Variants in SLC38A1 observed in about 807,000 individuals in gnomAD.
SLC38A1 encodes solute carrier family 38 member 1, also known as sodium-coupled neutral amino acid symporter 1.
In SLC38A1, 18 loss-of-function variants were observed where a neutral mutation model predicts 60.3. The ratio of observed to expected loss-of-function variants is 0.30; its 90% CI spans 0.21 to 0.44. SLC38A1 has a LOEUF of 0.44. Among genes scored for constraint, SLC38A1 ranks in the 20% least tolerant of loss-of-function variants. The probability of loss-of-function intolerance (pLI) is 1.00; values close to 1 mark genes in which losing one functional copy is unlikely to be tolerated. For missense variants in SLC38A1, 448 were observed against 587.2 expected (o/e 0.76, Z 2.45); for synonymous variants, 196 against 212.1 (o/e 0.92, Z 0.66).
rs1345893460 is a variant in SLC38A1, at chr12:46,186,535, A to G, written c.*2435T>C. The G allele has an allele frequency of 2.6e-5, 4 of 152,246 alleles. No homozygotes were observed. Among genetic ancestry groups the G allele is most frequent in the Non-Finnish European group, 5.9e-5 (4 of 68,048 alleles). 9.4% of individuals were successfully genotyped at this position (152,246 alleles called of 1,614,324 possible). A position where few individuals can be genotyped will look rare whatever the true frequency, so the allele number is the denominator to read the frequency against. On this transcript the variant is annotated 3_prime_UTR_variant, in exon 17 of 17. Coordinates refer to ENST00000398637, the MANE Select transcript of SLC38A1 (RefSeq NM_030674.4). ...TTCTGAATAAGAATAAGAGCAGTAT[A>G]CTTTACAGCTAATCTCACACAAAGG... is the stretch of plus-strand genomic sequence containing the variant.
rs748149942 is a variant in SLC38A1, at chr12:46,198,622, C to A, written c.1122+3G>T. On this transcript the variant is annotated splice_donor_region_variant and intron_variant, in intron 14 of 16. Coordinates refer to ENST00000398637, the MANE Select transcript of SLC38A1 (RefSeq NM_030674.4). Reference sequence around the variant, plus strand: ...CTCATATTGCACAGAGGCCCTTACTCACCGTGAAAAATAACACCGGCACTG... The same window carrying A: ...CTCATATTGCACAGAGGCCCTTACTAACCGTGAAAAATAACACCGGCACTG... 6.3e-7 allele frequency: 1 copy of A among 1,597,524 alleles called. No individual in the cohort carries two copies. Among genetic ancestry groups the A allele is most frequent in the South Asian group, 1.1e-5 (1 of 89,438 alleles).
At position 46,207,587 on chromosome 12, in the gene SLC38A1, G is replaced by C; in HGVS notation, c.423C>G (p.Val141=). 1 of 1,613,936 alleles carries C rather than the reference G, an allele frequency of 6.2e-7. No homozygotes were observed. The part of the protein sequence containing the change: ...CMVYEKLGEQ[V]FGTTGKFVIF... ...TTACGAACTTCCCTGTGGTGCCAAAGACTTGTTCCCCCAGCTTTTCATACA... is the reference window on the plus strand; with the variant it reads ...TTACGAACTTCCCTGTGGTGCCAAACACTTGTTCCCCCAGCTTTTCATACA... Residue 141 remains valine (V), a synonymous_variant, in exon 7 of 17, where the codon GTC becomes GTG. Coordinates refer to ENST00000398637, the MANE Select transcript of SLC38A1 (RefSeq NM_030674.4).
At chr12:46,229,353 A>G in intron 4 of SLC38A1, 85 bp from the exon 5 acceptor site, 1 of 932,132 alleles carries the variant, frequency 1.1e-6, no homozygotes, top group Non-Finnish European at 1.7e-6. Flanking sequence ...CACTCTCAGG[A>G]ACCAATATGG....
At chr12:46,225,906 A>T (rs1940844279) in intron 5 of SLC38A1, among the ~76,000 whole-genome samples, 2 of 152,226 alleles carry the variant, frequency 1.3e-5, no homozygotes, top group African/African-American at 4.8e-5. Context: ...GTGGCACAGA[A>T]TAAAAGGAAA....
intron 16 of SLC38A1, chr12:46,196,061 G>T: frequency 7.6e-7 from 1 of 1,308,600 alleles, no homozygotes; most frequent in Non-Finnish European, 1.1e-6. Context: ...GCAGACCAGA[G>T]CTGTTCCTAT....
At position 46,185,681 on chromosome 12, in the gene SLC38A1, A is replaced by C. The variant is rs1403519678; in HGVS notation, c.*3289T>G. 2 of 152,002 alleles carry C rather than the reference A, an allele frequency of 1.3e-5. No homozygotes were observed. The highest frequency in any genetic ancestry group is 4.8e-5 in the African/African-American group (2 of 41,344). The allele number at this position is 152,002 out of a possible 1,614,324, so 9.4% of individuals were successfully genotyped here. A position where few individuals can be genotyped will look rare whatever the true frequency, so the allele number is the denominator to read the frequency against. On this transcript the variant is annotated 3_prime_UTR_variant, in exon 17 of 17. Coordinates refer to ENST00000398637, the MANE Select transcript of SLC38A1 (RefSeq NM_030674.4). ...AGCCAAAAGTCAGACAAACAGAAGA[A>C]GGCACACCAAGCCTGAACCCTCCGG...
intron 16 of SLC38A1, among the ~76,000 whole-genome samples, chr12:46,191,672 G>A (rs1271246354): frequency 6.6e-6 from 1 of 152,084 alleles, no homozygotes; most frequent in Non-Finnish European, 1.5e-5. Flanking sequence ...CGGCTTCCTA[G>A]GTATTTTATT....
Position 46,186,270 on chromosome 12 carries a change from A to G in SLC38A1, c.*2700T>C, listed in dbSNP as rs1316929090. The G allele has an allele frequency of 6.6e-6, 1 of 152,154 alleles. No individual in the cohort carries two copies. Among genetic ancestry groups the G allele is most frequent in the African/African-American group, 2.4e-5 (1 of 41,426 alleles). The allele number at this position is 152,154 out of a possible 1,614,324, so 9.4% of individuals were successfully genotyped here. On this transcript the variant is annotated 3_prime_UTR_variant, in exon 17 of 17. Coordinates refer to ENST00000398637, the MANE Select transcript of SLC38A1 (RefSeq NM_030674.4). Reference sequence around the variant, plus strand: ...ATAAGTAACATTAAGTAAATTAGGGATTGACAGTATTCTGTGTTACAATAA... The same window carrying G: ...ATAAGTAACATTAAGTAAATTAGGGGTTGACAGTATTCTGTGTTACAATAA...
chr12:46,189,201 T>C (rs1056324353), intron 16 of SLC38A1, 130 bp from the exon 17 acceptor site: 4 of 621,256 alleles, frequency 6.4e-6, no homozygotes, highest in African/African-American at 3.7e-5. Flanking sequence ...GTCACAACCA[T>C]GGCTGAACTG....
intron 5 of SLC38A1, among the ~76,000 whole-genome samples, chr12:46,210,600 C>T (rs546348760): frequency 9.9e-5 from 15 of 152,222 alleles, no homozygotes; most frequent in Admixed American, 2.6e-4. Context: ...ATAATTTCCA[C>T]GTGTTTTGGG....
intron 3 of SLC38A1, among the ~76,000 whole-genome samples, chr12:46,235,946 T>C (rs1161565923): frequency 6.6e-6 from 1 of 152,178 alleles, no homozygotes; most frequent in Non-Finnish European, 1.5e-5. Context: ...AAATTTAAGG[T>C]GGCAATAACC....
intron 3 of SLC38A1, among the ~76,000 whole-genome samples, chr12:46,234,029 T>C (rs907305746): frequency 7.2e-5 from 11 of 152,214 alleles, no homozygotes; most frequent in Admixed American, 3.9e-4. Flanking sequence ...GAATTCACTT[T>C]CCCTTGAGGA....
chr12:46,233,440 T>A (rs1024344958), intron 3 of SLC38A1, among the ~76,000 whole-genome samples: 1 of 152,154 alleles, frequency 6.6e-6, no homozygotes, highest in South Asian at 2.1e-4. Flanking sequence ...TTTAAATTAA[T>A]AGAAAAGCAA....
intron 1 of SLC38A1, among the ~76,000 whole-genome samples, chr12:46,249,693 A>C (rs1180461540): frequency 1.3e-5 from 2 of 152,232 alleles, no homozygotes; most frequent in Non-Finnish European, 2.9e-5. Flanking sequence ...CTACCATCAG[A>C]GAATACTATA....
intron 1 of SLC38A1, among the ~76,000 whole-genome samples, chr12:46,251,703 G>C (rs1941846278): frequency 6.6e-6 from 1 of 152,132 alleles, no homozygotes; most frequent in South Asian, 2.1e-4. Flanking sequence ...TCTCAAAAAA[G>C]ACATTTATGG....
At position 46,186,509 on chromosome 12, in the gene SLC38A1, A is replaced by T. The variant is rs963575614; in HGVS notation, c.*2461T>A. ...ATGTATTTTTGGCTACCAATTAACT[A>T]TTCTGAATAAGAATAAGAGCAGTAT... On this transcript the variant is annotated 3_prime_UTR_variant, in exon 17 of 17. Coordinates refer to ENST00000398637, the MANE Select transcript of SLC38A1 (RefSeq NM_030674.4). 3 of 152,218 alleles carry T rather than the reference A, an allele frequency of 2.0e-5. No individual in the cohort carries two copies. The highest frequency in any genetic ancestry group is 7.2e-5 in the African/African-American group (3 of 41,448). 9.4% of individuals were successfully genotyped at this position (152,218 alleles called of 1,614,324 possible). A position where few individuals can be genotyped will look rare whatever the true frequency, so the allele number is the denominator to read the frequency against.
intron 5 of SLC38A1, among the ~76,000 whole-genome samples, chr12:46,211,025 C>T (rs974747399): frequency 1.3e-5 from 2 of 152,150 alleles, no homozygotes; most frequent in Non-Finnish European, 2.9e-5. Flanking sequence ...ATATGCTCTG[C>T]CACAGAATAA....
At chr12:46,232,966 G>C (rs1941130864) in intron 3 of SLC38A1, among the ~76,000 whole-genome samples, 1 of 152,098 alleles carries the variant, frequency 6.6e-6, no homozygotes, top group Admixed American at 6.6e-5. Flanking sequence ...ATCTGCAGTT[G>C]CAGAACCCAA....
chr12:46,232,409 G>A (rs1941111815), intron 3 of SLC38A1, among the ~76,000 whole-genome samples: 1 of 152,260 alleles, frequency 6.6e-6, no homozygotes, highest in African/African-American at 2.4e-5. Flanking sequence ...CTTAGCAAGA[G>A]ATTGACATAA....
Sources: gnomAD v4.1 joint callset for allele counts (sites outside exome capture counted in the v4.1 genomes callset) on GRCh38, gnomAD v4.1.1 for gene constraint, MANE v1.5 for transcripts, NCBI Gene and HGNC (gene_info 2026-07-23, HGNC 2026-07-21) for gene names.